MALRD1: variants seen among roughly 807,000 people sequenced by gnomAD.
MALRD1 encodes the protein MAM and LDL-receptor class A domain-containing protein 1.
Under a neutral mutation model 242.1 loss-of-function variants are expected in MALRD1, and 247 were observed. That is an observed-to-expected ratio of 1.02 (90% CI 0.92 to 1.13). The LOEUF is 1.13. Ranked by LOEUF, MALRD1 falls within the 50% of genes most tolerant of loss-of-function variation. The probability of loss-of-function intolerance (pLI) is 0.00; values close to 1 mark genes in which losing one functional copy is unlikely to be tolerated. For synonymous variants in MALRD1, 995 were observed against 866.6 expected (o/e 1.15, Z -2.60); for missense variants, 2,989 against 2,533.1 (o/e 1.18, Z -3.86).
chr10:19,727,086 AT>A (rs1423455048), intron 38 of MALRD1, among the ~76,000 whole-genome samples: 1 of 152,212 alleles, frequency 6.6e-6, no homozygotes, highest in Non-Finnish European at 1.5e-5. Context: ...AAAATGGCAA[AT>A]TTTATGTGAT....
At chr10:19,425,120 G>A (rs1833858335) in intron 28 of MALRD1, among the ~76,000 whole-genome samples, 1 of 151,934 alleles carries the variant, frequency 6.6e-6, no homozygotes, top group African/African-American at 2.4e-5. Context: ...TTCTCTTTTT[G>A]TCTTCCAGAG....
At chr10:19,192,220 G>A (rs1434737014) in intron 14 of MALRD1, among the ~76,000 whole-genome samples, 7 of 152,178 alleles carry the variant, frequency 4.6e-5, no homozygotes, top group Non-Finnish European at 1.0e-4. Context: ...GGGTACAGAT[G>A]TCAGTTTTGC....
intron 14 of MALRD1, among the ~76,000 whole-genome samples, chr10:19,179,914 C>T (rs973776986): frequency 4.6e-5 from 7 of 152,072 alleles, no homozygotes; most frequent in African/African-American, 1.7e-4. Flanking sequence ...GCAATGCCTC[C>T]ATTCTTTCTG....
chr10:19,571,839 A>C (rs1327561847), intron 33 of MALRD1, among the ~76,000 whole-genome samples: 4 of 152,196 alleles, frequency 2.6e-5, no homozygotes, highest in Non-Finnish European at 5.9e-5. Flanking sequence ...CTGAATTAAC[A>C]GATAATTTTC....
intron 33 of MALRD1, among the ~76,000 whole-genome samples, chr10:19,591,639 C>T (rs1018408459): frequency 1.3e-5 from 2 of 151,872 alleles, no homozygotes; most frequent in Admixed American, 6.6e-5. Context: ...GCTGGGATTA[C>T]GGGCGTGTGC....
rs142043965 is a variant in MALRD1, at chr10:19,565,759, T to G, written c.5479-1743T>G. On this transcript the variant is annotated intron_variant, in intron 32 of 39. Coordinates refer to ENST00000454679, the MANE Select transcript of MALRD1 (RefSeq NM_001142308.3). ...ATTGAATCTTAGCTGCTTTTGTTAATTAAAGGATCAACATTAAAAGTAATT... is the reference window on the plus strand; with the variant it reads ...ATTGAATCTTAGCTGCTTTTGTTAAGTAAAGGATCAACATTAAAAGTAATT... 6.3e-3 allele frequency among the ~76,000 whole-genome samples: 965 copies of G among 152,282 alleles called. 12 individuals are homozygous for G. Among genetic ancestry groups the G allele is most frequent in the African/African-American group, 0.022 (924 of 41,538 alleles).
chr10:19,340,898 C>G (rs1843817624), intron 24 of MALRD1, among the ~76,000 whole-genome samples: 1 of 152,058 alleles, frequency 6.6e-6, no homozygotes, highest in African/African-American at 2.4e-5. Context: ...CTGAGACTCA[C>G]TAAATCATAA....
chr10:19,092,108 G>A (rs371641218), intron 4 of MALRD1, among the ~76,000 whole-genome samples: 6 of 18,514 alleles, frequency 3.2e-4, no homozygotes, highest in South Asian at 4.6e-3. Context: ...TATTAGGTCC[G>A]CTTGGTGCAG....
chr10:19,488,732 AT>A (rs1457723341), intron 29 of MALRD1: 2 of 198,136 alleles, frequency 1.0e-5, no homozygotes, highest in Non-Finnish European at 2.1e-5. Context: ...AGGACAAAGG[AT>A]TTTTAATGTC....
intron 31 of MALRD1, among the ~76,000 whole-genome samples, chr10:19,504,127 C>A (rs1356691611): frequency 6.6e-5 from 10 of 152,164 alleles, no homozygotes; most frequent in Admixed American, 5.2e-4. Flanking sequence ...TAGTGTCCTG[C>A]AGGTTATGCA....
chr10:19,184,885 A>T (rs957228096), intron 14 of MALRD1, among the ~76,000 whole-genome samples: 4 of 152,158 alleles, frequency 2.6e-5, no homozygotes, highest in Non-Finnish European at 5.9e-5. Flanking sequence ...CATTTTGCCA[A>T]ATGTTTCCCC....
intron 32 of MALRD1, among the ~76,000 whole-genome samples, chr10:19,556,983 A>G (rs1251037172): frequency 6.6e-6 from 1 of 152,128 alleles, no homozygotes; most frequent in Non-Finnish European, 1.5e-5. Flanking sequence ...GGAAATAGCC[A>G]TTTTAAAAGA....
chr10:19,254,729 C>G (rs952139884), intron 18 of MALRD1, among the ~76,000 whole-genome samples: 4 of 151,408 alleles, frequency 2.6e-5, no homozygotes, highest in Admixed American at 6.6e-5. Context: ...TATAATATAT[C>G]TGAAAATACA....
At chr10:19,174,100 A>G (rs891484177) in intron 13 of MALRD1, among the ~76,000 whole-genome samples, 2 of 152,214 alleles carry the variant, frequency 1.3e-5, no homozygotes, top group African/African-American at 2.4e-5. Context: ...ATGAAGAAAT[A>G]CAAATGGACA....
intron 28 of MALRD1, among the ~76,000 whole-genome samples, chr10:19,400,656 CTG>C (rs1278368471): frequency 6.6e-6 from 1 of 152,042 alleles, no homozygotes; most frequent in Non-Finnish European, 1.5e-5. Flanking sequence ...TATTTATAGA[CTG>C]AAAGTGTTTA....
At chr10:19,552,850 C>G (rs1016437917) in intron 32 of MALRD1, among the ~76,000 whole-genome samples, 10 of 152,060 alleles carry the variant, frequency 6.6e-5, no homozygotes, top group African/African-American at 1.9e-4. Context: ...TGCTTCCAGT[C>G]CACATGTTCA....
intron 13 of MALRD1, among the ~76,000 whole-genome samples, chr10:19,174,419 C>T (rs1332464770): frequency 6.6e-6 from 1 of 152,052 alleles, no homozygotes; most frequent in Non-Finnish European, 1.5e-5. Context: ...ATTTAATGAT[C>T]CTTGAGATTG....
intron 21 of MALRD1, among the ~76,000 whole-genome samples, chr10:19,318,264 C>G (rs576296996): frequency 6.8e-4 from 104 of 152,062 alleles, no homozygotes; most frequent in Non-Finnish European, 1.2e-3. Context: ...GACTGGCAAC[C>G]AAATGATATA....
rs138021773 is a variant in MALRD1, at chr10:19,580,240, C to A, written c.5680+12537C>A. Among the ~76,000 whole-genome samples the A allele has an allele frequency of 1.8e-3, 281 of 152,264 alleles. 1 individual carries two copies. The highest frequency in any genetic ancestry group is 6.8e-3 in the Middle Eastern group (2 of 294). On this transcript the variant is annotated intron_variant, in intron 33 of 39. Transcript: ENST00000454679. ...AGCAAATTCATCATGTATGCAATTTCAGCCATTTGCAGTGGTATCACTATT... is the reference window on the plus strand; with the variant it reads ...AGCAAATTCATCATGTATGCAATTTAAGCCATTTGCAGTGGTATCACTATT...
Sources: allele counts gnomAD v4.1 joint callset (sites outside exome capture counted in the v4.1 genomes callset), GRCh38; gene constraint gnomAD v4.1.1; transcripts MANE v1.5; gene names NCBI Gene and HGNC (gene_info 2026-07-23, HGNC 2026-07-21).